The following ZNF423 variants were observed in gnomAD, a reference collection of about 807,000 sequenced individuals.
ZNF423 encodes zinc finger protein 423, also known as Ebf-associated zinc finger protein.
ZNF423 carries 12 observed loss-of-function variants against 95.8 expected under a neutral mutation model. The observed-to-expected ratio is 0.13, with a 90% confidence interval of 0.08 to 0.20. The LOEUF (loss-of-function observed/expected upper bound fraction) is 0.20. ZNF423 is among the 10% of genes least tolerant of loss of function. The probability of loss-of-function intolerance (pLI) is 1.00; values close to 1 mark genes in which losing one functional copy is unlikely to be tolerated. For missense variants in ZNF423, 1,316 were observed against 1,737.1 expected, an observed-to-expected ratio of 0.76 and a Z score of 4.31; for synonymous variants, 749 against 711.9, an observed-to-expected ratio of 1.05 and a Z score of -0.83.
chr16:49,674,757 A>G (rs906327202), intron 3 of ZNF423, among the ~76,000 whole-genome samples: 1 of 152,198 alleles, frequency 6.6e-6, no homozygotes, highest in Non-Finnish European at 1.5e-5. Context: ...ACAGATGGGA[A>G]GGCAGGGAAG....
chr16:49,528,483 C>T (rs879450693), intron 5 of ZNF423, among the ~76,000 whole-genome samples: 2 of 152,102 alleles, frequency 1.3e-5, no homozygotes, highest in East Asian at 1.9e-4. Context: ...CTGTGTGTCT[C>T]GGGACCCTTT....
chr16:49,649,638 T>TAC (rs58838858), intron 3 of ZNF423, among the ~76,000 whole-genome samples: 2,804 of 140,354 alleles, frequency 0.02, 29 homozygotes, highest in Middle Eastern at 0.04. Flanking sequence ...TGCTTTGAAG[T>TAC]ACACACACAC....
intron 1 of ZNF423, among the ~76,000 whole-genome samples, chr16:49,835,695 C>T (rs1220091194): frequency 6.6e-6 from 1 of 152,238 alleles, no homozygotes; most frequent in Non-Finnish European, 1.5e-5. Context: ...GGTCCAGAAA[C>T]CTCCAGGGTC....
At chr16:49,786,288 G>A (rs545646472) in intron 2 of ZNF423, among the ~76,000 whole-genome samples, 14 of 152,354 alleles carry the variant, frequency 9.2e-5, no homozygotes, top group African/African-American at 3.4e-4. Context: ...GGGGGCGGAG[G>A]GCCACAGGGT....
At chr16:49,696,251 T>C (rs1307987007) in intron 3 of ZNF423, among the ~76,000 whole-genome samples, 1 of 152,204 alleles carries the variant, frequency 6.6e-6, no homozygotes, top group Non-Finnish European at 1.5e-5. Context: ...AGAAAAGTCA[T>C]TGCGATGGTG....
intron 4 of ZNF423, among the ~76,000 whole-genome samples, chr16:49,628,213 C>A (rs1332795084): frequency 2.0e-5 from 3 of 148,428 alleles, no homozygotes; most frequent in Non-Finnish European, 3.0e-5. Flanking sequence ...ATCTACCCAC[C>A]CATTTATCTA....
intron 7 of ZNF423, chr16:49,518,691 G>T (rs867442503): frequency 1.1e-5 from 4 of 355,004 alleles, no homozygotes; most frequent in Middle Eastern, 9.8e-4. Flanking sequence ...CCTTTTTCCA[G>T]AATGTCATGT....
At chr16:49,762,903 T>C (rs2033857753) in intron 2 of ZNF423, among the ~76,000 whole-genome samples, 1 of 152,212 alleles carries the variant, frequency 6.6e-6, no homozygotes, top group South Asian at 2.1e-4. Flanking sequence ...ATGTTTAATC[T>C]CATCAGTTCT....
intron 2 of ZNF423, among the ~76,000 whole-genome samples, chr16:49,776,971 T>A (rs774191693): frequency 1.3e-5 from 2 of 152,250 alleles, no homozygotes; most frequent in Non-Finnish European, 2.9e-5. Flanking sequence ...GAATGCTGCA[T>A]ATGTGTGTAT....
intron 5 of ZNF423, among the ~76,000 whole-genome samples, chr16:49,577,658 T>C (rs1970540259): frequency 6.6e-6 from 1 of 151,738 alleles, no homozygotes; most frequent in African/African-American, 2.4e-5. Flanking sequence ...GGCCAGGAGG[T>C]GACTTAAGGC....
intron 2 of ZNF423, among the ~76,000 whole-genome samples, chr16:49,771,857 C>T (rs931374637): frequency 6.6e-6 from 1 of 152,264 alleles, no homozygotes; most frequent in African/African-American, 2.4e-5. Context: ...GAAAATTCAG[C>T]TCCCACATAC....
intron 5 of ZNF423, among the ~76,000 whole-genome samples, chr16:49,575,057 C>T (rs190450426): frequency 1.3e-5 from 2 of 152,104 alleles, no homozygotes; most frequent in Non-Finnish European, 2.9e-5. Context: ...ATCGAGGGGT[C>T]GGGCCCATAC....
chr16:49,636,310 G>A lies in ZNF423; in HGVS notation c.2866C>T (p.His956Tyr). 1 of 1,612,596 alleles carries A rather than the reference G, an allele frequency of 6.2e-7. No individual in the cohort carries two copies. Among genetic ancestry groups the A allele is most frequent in the Non-Finnish European group, 8.5e-7 (1 of 1,180,024 alleles). Residue 956 changes from histidine (H) to tyrosine (Y), a missense_variant, in exon 4 of 8, where the codon CAC becomes TAC. This residue lies in a region of ZNF423 where 620 missense variants were observed against 775.6 expected (regional missense o/e 0.80). Transcript: ENST00000563137. This position sits in a 1 kb window ranked among gnomAD's most constrained non-coding sequence, Gnocchi z 8.6. ...GCAGGGCCCCGGTGCGTCTGCAGGT[G>A]CTCCCGTAGCCCGTTCTCCGAGAAG... ...TFFSENGLRE[H>Y]LQTHRGPAKH...
chr16:49,574,604 A>T (rs956188978), intron 5 of ZNF423, among the ~76,000 whole-genome samples: 7 of 152,180 alleles, frequency 4.6e-5, no homozygotes, highest in Non-Finnish European at 8.8e-5. Flanking sequence ...ACAGCTTGCC[A>T]TACCTAAGAC....
intron 1 of ZNF423, among the ~76,000 whole-genome samples, chr16:49,837,597 T>TG: frequency 6.6e-6 from 1 of 152,140 alleles, no homozygotes; most frequent in East Asian, 1.9e-4. Flanking sequence ...CGACCCTGCC[T>TG]CTTCCTTCAT....
At chr16:49,535,811 A>G (rs1314268128) in intron 5 of ZNF423, among the ~76,000 whole-genome samples, 1 of 152,188 alleles carries the variant, frequency 6.6e-6, no homozygotes, top group Non-Finnish European at 1.5e-5. Flanking sequence ...TAACTCATCA[A>G]ACACCTACTG....
At chr16:49,558,713 G>A (rs1969920430) in intron 5 of ZNF423, among the ~76,000 whole-genome samples, 1 of 152,190 alleles carries the variant, frequency 6.6e-6, no homozygotes, top group Non-Finnish European at 1.5e-5. Context: ...CATGAAATCA[G>A]CAGGAATTGC....
rs750675439 is a variant in ZNF423, at chr16:49,730,805, G to A, written c.267C>T (p.Asp89=). 6.2e-7 allele frequency: 1 copy of A among 1,614,158 alleles called. No individual in the cohort carries two copies. The highest frequency in any genetic ancestry group is 8.5e-7 in the Non-Finnish European group (1 of 1,180,036). ...HCQQDFESLA[D]LTDHRAHRCP... is the part of the protein sequence containing the mutation. ...AGCGGTGGGCCCGGTGGTCCGTCAG[G>A]TCTGCCAGAGACTCGAAGTCCTGCT... Residue 89 remains aspartate, a synonymous_variant, in exon 3 of 8, where the codon GAC becomes GAT. Transcript: ENST00000563137.
At chr16:49,548,370 T>C (rs1238841814) in intron 5 of ZNF423, among the ~76,000 whole-genome samples, 2 of 152,132 alleles carry the variant, frequency 1.3e-5, no homozygotes, top group African/African-American at 4.8e-5. Flanking sequence ...TGTATAACAG[T>C]TTATATATTT....
Sources: gnomAD v4.1 joint callset for allele counts (sites outside exome capture counted in the v4.1 genomes callset) on GRCh38, gnomAD v4.1.1 for gene constraint, gnomAD v4.1.1 regional missense constraint, Gnocchi (gnomAD v3.1) non-coding constraint, MANE v1.5 for transcripts, NCBI Gene and HGNC (gene_info 2026-07-23, HGNC 2026-07-21) for gene names.